Variants in SYNE2 observed in about 807,000 individuals in gnomAD.
The protein encoded by SYNE2 is nesprin-2.
Under a neutral mutation model 856.3 loss-of-function variants are expected in SYNE2, and 431 were observed. The ratio of observed to expected loss-of-function variants is 0.50; its 90% confidence interval spans 0.47 to 0.55. The LOEUF (loss-of-function observed/expected upper bound fraction) is 0.55, where lower values mean the gene tolerates loss of function less well. Among genes scored for constraint, SYNE2 ranks in the 20% least tolerant of loss-of-function variants. SYNE2 has a pLI of 0.00. For synonymous variants in SYNE2, 2,923 were observed against 2,872.3 expected (o/e 1.02, Z -0.56); for missense variants, 8,129 against 8,023.2 (o/e 1.01, Z -0.50).
At chr14:63,786,902 A>G (rs1887549290) in intron 1 of SYNE2, among the ~76,000 whole-genome samples, 1 of 152,022 alleles carries the variant, frequency 6.6e-6, no homozygotes, top group African/African-American at 2.4e-5. Flanking sequence ...CAGTGGGACT[A>G]CAGGCATGTT....
At chr14:64,018,515 T>G (rs969752903) in intron 34 of SYNE2, among the ~76,000 whole-genome samples, 7 of 152,224 alleles carry the variant, frequency 4.6e-5, no homozygotes, top group Non-Finnish European at 7.3e-5. Context: ...ATGCTGGGAT[T>G]ACAGGCGTGA....
At chr14:63,765,410 T>G (rs1595089798) in intron 1 of SYNE2, among the ~76,000 whole-genome samples, 1 of 152,308 alleles carries the variant, frequency 6.6e-6, no homozygotes, top group South Asian at 2.1e-4. Flanking sequence ...TGGAGTGCAG[T>G]GGTGCGATCT....
chr14:64,193,945 T>C (rs556120718), intron 99 of SYNE2, among the ~76,000 whole-genome samples: 1 of 152,298 alleles, frequency 6.6e-6, no homozygotes, highest in South Asian at 2.1e-4. Flanking sequence ...ACAATGGGAA[T>C]TCTGCCCGGG....
At chr14:63,964,850 T>C (rs1044703359) in intron 10 of SYNE2, among the ~76,000 whole-genome samples, 2 of 152,100 alleles carry the variant, frequency 1.3e-5, no homozygotes, top group Admixed American at 1.3e-4. Context: ...AGAATGAATA[T>C]TGAATGAAAG....
intron 94 of SYNE2, chr14:64,173,870 A>C: frequency 1.5e-6 from 1 of 652,914 alleles, no homozygotes; most frequent in South Asian, 1.7e-5. Context: ...TTTTTGTATT[A>C]TAAATACCTA....
Position 64,098,864 on chromosome 14 carries a change from T to C in SYNE2, c.12381+43T>C, listed in dbSNP as rs9323444. The stretch of plus-strand genomic sequence containing the variant: ...CTTGTTAAAGTTTGTTAGAACCAGA[T>C]CTCTAAAAGAAGTCAATGAAAAGAT... On this transcript the variant is annotated intron_variant, in intron 63 of 115. Transcript: ENST00000555002. 605,317 of 1,583,314 alleles carry C rather than the reference T, an allele frequency of 0.38. 116,556 individuals are homozygous for C. The highest frequency in any genetic ancestry group is 0.52 in the East Asian group (23,345 of 44,684).
chr14:63,835,503 G>A (rs1202615638), intron 1 of SYNE2, among the ~76,000 whole-genome samples: 2 of 152,052 alleles, frequency 1.3e-5, no homozygotes, highest in African/African-American at 4.8e-5. Context: ...AAACTGCTGG[G>A]ATTACAGGCA....
intron 1 of SYNE2, among the ~76,000 whole-genome samples, chr14:63,863,968 C>A (rs956700838): frequency 1.3e-5 from 2 of 151,972 alleles, no homozygotes; most frequent in South Asian, 4.2e-4. Context: ...ATTACAGGCG[C>A]ACGGCACCAC....
At chr14:63,902,568 G>A (rs184022393) in intron 1 of SYNE2, among the ~76,000 whole-genome samples, 23 of 152,272 alleles carry the variant, frequency 1.5e-4, no homozygotes, top group Admixed American at 1.0e-3. Flanking sequence ...GGGCACAGCC[G>A]CTGTGTTCTC....
chr14:64,024,189 C>A, intron 38 of SYNE2, 68 bp from the exon 39 acceptor site: 1 of 1,409,448 alleles, frequency 7.1e-7, no homozygotes, highest in Non-Finnish European at 1.0e-6. Flanking sequence ...GGAAAAGTGT[C>A]GTGAGGGTGG....
chr14:64,118,471 G>C (rs1478363926), intron 66 of SYNE2, among the ~76,000 whole-genome samples: 3 of 152,176 alleles, frequency 2.0e-5, no homozygotes, highest in Non-Finnish European at 4.4e-5. Flanking sequence ...TATTTGTCTT[G>C]AGAAAGAGAA....
At chr14:63,978,772 AT>A in intron 13 of SYNE2, 79 bp from the exon 14 acceptor site, 1 of 1,264,784 alleles carries the variant, frequency 7.9e-7, no homozygotes. Context: ...AAGCCTCAAT[AT>A]TTTTTAAAAT....
intron 28 of SYNE2, among the ~76,000 whole-genome samples, chr14:64,001,725 G>C (rs201214996): frequency 6.6e-6 from 1 of 152,160 alleles, no homozygotes; most frequent in African/African-American, 2.4e-5. Flanking sequence ...ACAAATAAAA[G>C]AATACTTGGA....
At chr14:64,000,752 A>C (rs375553320) in intron 28 of SYNE2, 33 bp downstream of exon 28, 2 of 1,586,396 alleles carry the variant, frequency 1.3e-6, no homozygotes, top group Admixed American at 1.7e-5. Context: ...CTATGAATCT[A>C]ATAAACTCAC....
At chr14:63,839,784 ATCT>A (rs1889986472) in intron 1 of SYNE2, among the ~76,000 whole-genome samples, 2 of 152,324 alleles carry the variant, frequency 1.3e-5, no homozygotes, top group South Asian at 2.1e-4. Flanking sequence ...TGCGGAAAAG[ATCT>A]TCTTTCTGTG....
intron 88 of SYNE2, 65 bp from the exon 89 acceptor site, chr14:64,163,337 C>T: frequency 6.4e-7 from 1 of 1,570,310 alleles, no homozygotes; most frequent in Non-Finnish European, 8.7e-7. Flanking sequence ...GATGGAGCAG[C>T]AGCGGGTAGG....
chr14:64,002,075 C>T lies in SYNE2; in HGVS notation c.3780C>T (p.His1260=). The change falls in exon 29 of 116, where the codon CAC becomes CAT. Residue 1260 remains histidine, a synonymous_variant. Coordinates refer to ENST00000555002, the MANE Select transcript of SYNE2 (RefSeq NM_182914.3). ...TTGATGCTGATCGCATCTATCAACACCTAAGGGTAAGTATATAAGTTCTCA... is the reference window on the plus strand; with the variant it reads ...TTGATGCTGATCGCATCTATCAACATCTAAGGGTAAGTATATAAGTTCTCA... ...HLIDADRIYQ[H]LRNIQDSIAK... The T allele has an allele frequency of 1.2e-6, 2 of 1,610,374 alleles. No homozygotes were observed. The highest frequency in any genetic ancestry group is 1.7e-6 in the Non-Finnish European group (2 of 1,176,734).
At position 64,174,928 on chromosome 14, in the gene SYNE2, CTCTT is replaced by C. The variant is rs947464095; in HGVS notation, c.17236-14_17236-11del. ...CATCAGAAACCTAAGCAAATTACTT[CTCTT>C]TTTTTTCTTAGAATAAAGAAATTCA... On this transcript the variant is annotated splice_polypyrimidine_tract_variant and intron_variant, in intron 94 of 115. Coordinates refer to ENST00000555002, the MANE Select transcript of SYNE2 (RefSeq NM_182914.3). The C allele has an allele frequency of 3.1e-6, 5 of 1,612,124 alleles. No individual in the cohort carries two copies. Among genetic ancestry groups the C allele is most frequent in the East Asian group, 2.2e-5 (1 of 44,878 alleles).
Position 64,107,408 on chromosome 14 carries a change from G to A in SYNE2, c.12493-83G>A, listed in dbSNP as rs1418041230. On this transcript the variant is annotated intron_variant, in intron 64 of 115. Transcript: ENST00000555002. ...TGACTTTTTTGCAAGCAGGTAGTTT[G>A]TAAAATGAGCATGCGCAGAAAGAAG... 3.2e-6 allele frequency: 4 copies of A among 1,267,808 alleles called. No individual in the cohort carries two copies. The African/African-American group carries it at 4.4e-5, about 14-fold the overall frequency. 78.5% of individuals were successfully genotyped at this position (1,267,808 alleles called of 1,614,324 possible).
Sources: allele counts gnomAD v4.1 joint callset (sites outside exome capture counted in the v4.1 genomes callset), GRCh38; gene constraint gnomAD v4.1.1; transcripts MANE v1.5; gene names NCBI Gene and HGNC (gene_info 2026-07-23, HGNC 2026-07-21).